The following GOLGA4 variants were observed in gnomAD, a reference collection of about 807,000 sequenced individuals.
The protein encoded by GOLGA4 is golgin A4, also known as golgin subfamily A member 4.
GOLGA4 carries 169 observed loss-of-function variants against 265.9 expected under a neutral mutation model. The observed-to-expected ratio is 0.64, with a 90% CI of 0.56 to 0.72. The LOEUF (loss-of-function observed/expected upper bound fraction) is 0.72, where lower values mean the gene tolerates loss of function less well. Ranked by LOEUF, GOLGA4 falls within the 30% of genes least tolerant of loss-of-function variation. The probability of loss-of-function intolerance (pLI) is 0.00; values close to 1 mark genes in which losing one functional copy is unlikely to be tolerated. For synonymous variants in GOLGA4, 923 were observed against 855.8 expected (o/e 1.08, Z -1.37); for missense variants, 2,482 against 2,483.4 (o/e 1.00, Z 0.01).
intron 2 of GOLGA4, among the ~76,000 whole-genome samples, chr3:37,272,537 A>G (rs2096801513): frequency 1.3e-5 from 2 of 152,220 alleles, no homozygotes; most frequent in Admixed American, 1.3e-4. Flanking sequence ...ACCCTGTCTC[A>G]GAAAAAAAGG....
chr3:37,299,252 A>G, intron 8 of GOLGA4, 36 bp from the exon 9 acceptor site: 1 of 1,308,836 alleles, frequency 7.6e-7, no homozygotes, highest in Non-Finnish European at 1.1e-6. Flanking sequence ...AAGAAGCTTT[A>G]TTAGAGATGG....
Position 37,302,270 on chromosome 3 carries a change from TCAAA to T in GOLGA4, c.1175_1178del (p.Lys392ArgfsTer2). ...GAAATTGCTCAACTCCGTAGTCGCA[TCAAA>T]CAGATGACTACCCAGGGAGAGGAAT... On this transcript the variant is annotated frameshift_variant, in exon 10 of 24. Coordinates refer to ENST00000361924, the MANE Select transcript of GOLGA4 (RefSeq NM_002078.5). LOFTEE classifies it high-confidence loss of function. 2 of 1,613,362 alleles carry T rather than the reference TCAAA, an allele frequency of 1.2e-6. No homozygotes were observed. The highest frequency in any genetic ancestry group is 1.7e-6 in the Non-Finnish European group (2 of 1,179,378).
At chr3:37,338,786 T>C (rs1337730702) in intron 19 of GOLGA4, among the ~76,000 whole-genome samples, 1 of 152,046 alleles carries the variant, frequency 6.6e-6, no homozygotes, top group Non-Finnish European at 1.5e-5. Flanking sequence ...ATCTGCTTCC[T>C]GTCTCTATGG....
chr3:37,300,497 A>T (rs967557745), intron 9 of GOLGA4, among the ~76,000 whole-genome samples: 17 of 149,460 alleles, frequency 1.1e-4, no homozygotes, highest in East Asian at 3.9e-4. Flanking sequence ...TTTTTTTTTT[A>T]AATATTATAA....
chr3:37,338,244 C>T (rs1436499216), intron 19 of GOLGA4, among the ~76,000 whole-genome samples: 1 of 152,172 alleles, frequency 6.6e-6, no homozygotes, highest in Non-Finnish European at 1.5e-5. Flanking sequence ...GAAATAGTGG[C>T]TCAAATCAGC....
rs758032521 is a variant in GOLGA4 at position 37,327,370 on chromosome 3, G to A, written c.5484G>A (p.Lys1828=). Residue 1828 remains lysine (K), a synonymous_variant, in exon 14 of 24, where the codon AAG becomes AAA. Transcript: ENST00000361924. ...GAGGTAAAAATAACATACAGGCAAA[G>A]CAAAACTTGGAAAATGTGTTTGACG... ...KEGGKNNIQA[K]QNLENVFDDV... 5.0e-6 allele frequency: 8 copies of A among 1,613,762 alleles called. No homozygotes were observed. The East Asian group carries it at 1.3e-4, about 27-fold the overall frequency.
rs773962202 is a variant in GOLGA4, at chr3:37,327,551, C to T, written c.5665C>T (p.Gln1889Ter). 1 of 1,613,676 alleles carries T rather than the reference C, an allele frequency of 6.2e-7. No homozygotes were observed. Among genetic ancestry groups the T allele is most frequent in the South Asian group, 1.1e-5 (1 of 91,066 alleles). Reference protein sequence around the residue: ...SKYEKLQALQQMDGRNKPTEL... With the variant: ...SKYEKLQALQ Reference sequence around the variant, plus strand: ...ATATGAAAAATTACAGGCTTTACAACAGATGGATGGAAGAAATAAACCCAC... The same window carrying T: ...ATATGAAAAATTACAGGCTTTACAATAGATGGATGGAAGAAATAAACCCAC... Residue 1889 changes from glutamine to a stop codon, truncating the protein, a stop_gained, in exon 14 of 24, where the codon CAG becomes TAG. Coordinates refer to ENST00000361924, the MANE Select transcript of GOLGA4 (RefSeq NM_002078.5). LOFTEE classifies it high-confidence loss of function.
At chr3:37,356,111 T>C (rs2097090288) in intron 22 of GOLGA4, among the ~76,000 whole-genome samples, 1 of 152,168 alleles carries the variant, frequency 6.6e-6, no homozygotes. Flanking sequence ...CTTGATTCTC[T>C]TGAGCCCACA....
intron 23 of GOLGA4, among the ~76,000 whole-genome samples, chr3:37,362,197 T>A (rs1163607731): frequency 7.4e-6 from 1 of 135,420 alleles, no homozygotes; most frequent in South Asian, 2.3e-4. Context: ...TCTTTTAAGC[T>A]TTTATTTATT....
At chr3:37,257,024 A>G (rs1483433722) in intron 2 of GOLGA4, among the ~76,000 whole-genome samples, 3 of 152,212 alleles carry the variant, frequency 2.0e-5, no homozygotes, top group South Asian at 2.1e-4. Context: ...ATCTAGTTCC[A>G]TAACATTTCC....
At position 37,294,965 on chromosome 3, in the gene GOLGA4, A is replaced by AT. The variant is rs1303975669; in HGVS notation, c.583-10dup. The AT allele has an allele frequency of 2.6e-6, 4 of 1,547,688 alleles. No homozygotes were observed. In the African/African-American group the frequency reaches 4.2e-5, roughly 16 times the overall value. On this transcript the variant is annotated splice_polypyrimidine_tract_variant and intron_variant, in intron 5 of 23. Transcript: ENST00000361924. Reference sequence around the variant, plus strand: ...TTATACTGAAAATTACCTGTAAATCATTTTATGTTTTAGGAGCTCCAAATG... The same window carrying AT: ...TTATACTGAAAATTACCTGTAAATCATTTTTATGTTTTAGGAGCTCCAAATG...
chr3:37,290,797 T>G (rs1246691274), intron 5 of GOLGA4, among the ~76,000 whole-genome samples: 1 of 152,162 alleles, frequency 6.6e-6, no homozygotes, highest in Non-Finnish European at 1.5e-5. Context: ...AAAGGGGTTG[T>G]AGGAAGTGAG....
At position 37,243,383 on chromosome 3, in the gene GOLGA4, C is replaced by T. The variant is rs1294344423; in HGVS notation, c.-168C>T. The T allele has an allele frequency of 3.2e-6, 2 of 634,052 alleles. No homozygotes were observed. Among genetic ancestry groups the T allele is most frequent in the Admixed American group, 3.1e-5 (1 of 32,746 alleles). The allele number at this position is 634,052 out of a possible 1,614,324, so 39.3% of individuals were successfully genotyped here. On this transcript the variant is annotated 5_prime_UTR_variant, in exon 1 of 24. Transcript: ENST00000361924. ...GACGCGGCGGCGGCGACGCCGACAC[C>T]CTCAGGACGAGTGTCCGGACTTGCC...
At chr3:37,243,891 T>C (rs2150562545) in intron 1 of GOLGA4, 1 of 505,976 alleles carries the variant, frequency 2.0e-6, no homozygotes, top group African/African-American at 2.0e-5. Context: ...GTTAAGAGTT[T>C]TCTCCTAAGG....
At chr3:37,260,944 A>C (rs981993854) in intron 2 of GOLGA4, among the ~76,000 whole-genome samples, 1 of 151,846 alleles carries the variant, frequency 6.6e-6, no homozygotes, top group African/African-American at 2.4e-5. Flanking sequence ...CAGCAGGAGG[A>C]ATGCTTGAAC....
intron 2 of GOLGA4, among the ~76,000 whole-genome samples, chr3:37,254,203 A>G (rs1355387165): frequency 6.6e-6 from 1 of 152,212 alleles, no homozygotes; most frequent in Non-Finnish European, 1.5e-5. Flanking sequence ...GGTTATATGT[A>G]TAAACTGAGT....
chr3:37,298,694 A>G, intron 7 of GOLGA4, 139 bp from the exon 8 acceptor site: 1 of 604,474 alleles, frequency 1.7e-6, no homozygotes, highest in Non-Finnish European at 2.9e-6. Flanking sequence ...ACACCCAGGA[A>G]CGAACAATGA....
intron 20 of GOLGA4, among the ~76,000 whole-genome samples, chr3:37,346,041 A>G (rs941877964): frequency 6.6e-6 from 1 of 152,318 alleles, no homozygotes; most frequent in East Asian, 1.9e-4. Context: ...AGAGGAATAA[A>G]ATACTCAAAT....
chr3:37,294,401 T>G lies in GOLGA4; in HGVS notation c.583-578T>G, dbSNP rs913352991. On this transcript the variant is annotated intron_variant, in intron 5 of 23. Coordinates refer to ENST00000361924, the MANE Select transcript of GOLGA4 (RefSeq NM_002078.5). ...TAAGTAATTTTTTTTTTTTTTTTTT[T>G]GGGAGACCAAGCCTCACTCTATTAC... Among the ~76,000 whole-genome samples, 217 of 130,254 alleles carry G rather than the reference T, an allele frequency of 1.7e-3. 1 individual carries two copies. The highest frequency in any genetic ancestry group is 1.2e-3 in the Non-Finnish European group (73 of 60,324). 85.5% of individuals were successfully genotyped at this position (130,254 alleles called of 152,430 possible). A position where few individuals can be genotyped will look rare whatever the true frequency, so the allele number is the denominator to read the frequency against.
Sources: gnomAD v4.1 joint callset for allele counts (sites outside exome capture counted in the v4.1 genomes callset) on GRCh38, gnomAD v4.1.1 for gene constraint, MANE v1.5 for transcripts, NCBI Gene and HGNC (gene_info 2026-07-23, HGNC 2026-07-21) for gene names.